SNX24: variants seen among roughly 807,000 people sequenced by gnomAD.
SNX24 encodes the protein sorting nexin 24, also known as sorting nexin-24.
SNX24 carries 22 observed loss-of-function variants against 28.7 expected under a neutral mutation model. That is an observed-to-expected ratio of 0.77 (90% CI 0.55 to 1.10). SNX24 has a LOEUF of 1.10. Ranked by LOEUF, SNX24 falls within the 50% of genes least tolerant of loss-of-function variation. The probability of loss-of-function intolerance (pLI) is 0.00; values close to 1 mark genes in which losing one functional copy is unlikely to be tolerated. For missense variants in SNX24, 221 were observed against 201.1 expected (o/e 1.10, Z -0.60); for synonymous variants, 69 against 71.5 (o/e 0.96, Z 0.18).
intron 2 of SNX24, among the ~76,000 whole-genome samples, chr5:122,941,071 T>C (rs1209258242): frequency 1.3e-5 from 2 of 152,194 alleles, no homozygotes; most frequent in African/African-American, 4.8e-5. Context: ...TAAACAGCCT[T>C]TCTGATTCAT....
At chr5:123,029,073 A>G in intron 5 of SNX24, 2 of 871,788 alleles carry the variant, frequency 2.3e-6, no homozygotes, top group Non-Finnish European at 3.4e-6. Flanking sequence ...ATTAATGTGA[A>G]TAAGTTAAAA....
chr5:122,890,690 C>T (rs192354657), intron 1 of SNX24, among the ~76,000 whole-genome samples: 1 of 152,100 alleles, frequency 6.6e-6, no homozygotes, highest in African/African-American at 2.4e-5. Context: ...AGGCTGGTCT[C>T]GAACTTCTGA....
intron 3 of SNX24, among the ~76,000 whole-genome samples, chr5:122,955,022 T>C (rs1168067922): frequency 6.6e-6 from 1 of 152,048 alleles, no homozygotes; most frequent in Non-Finnish European, 1.5e-5. Context: ...TTTTTTATTA[T>C]AGACCCACAG....
intron 1 of SNX24, among the ~76,000 whole-genome samples, chr5:122,913,355 C>A (rs1757986442): frequency 6.6e-6 from 1 of 150,974 alleles, no homozygotes; most frequent in Admixed American, 6.6e-5. Flanking sequence ...GCTGACCCCC[C>A]ACCTCCCTCC....
At chr5:122,890,604 G>A (rs559686740) in intron 1 of SNX24, among the ~76,000 whole-genome samples, 64 of 151,796 alleles carry the variant, frequency 4.2e-4, no homozygotes, top group Non-Finnish European at 7.1e-4. Flanking sequence ...CAAGTAGCTG[G>A]AATTACAGGC....
At chr5:122,852,194 C>T (rs972741719) in intron 1 of SNX24, among the ~76,000 whole-genome samples, 4 of 149,784 alleles carry the variant, frequency 2.7e-5, no homozygotes, top group Non-Finnish European at 4.4e-5. Context: ...CTTCAAGTTC[C>T]GGGATACATG....
intron 2 of SNX24, among the ~76,000 whole-genome samples, chr5:122,943,856 T>G (rs540136882): frequency 6.6e-6 from 1 of 152,248 alleles, no homozygotes; most frequent in South Asian, 2.1e-4. Context: ...CCACAGCCCT[T>G]TTTCTCTATC....
intron 2 of SNX24, among the ~76,000 whole-genome samples, chr5:122,944,146 A>G (rs923953776): frequency 6.6e-6 from 1 of 152,204 alleles, no homozygotes; most frequent in African/African-American, 2.4e-5. Flanking sequence ...CACGCATCTC[A>G]CAACATTCAT....
chr5:122,997,850 G>T (rs944366748), intron 3 of SNX24, among the ~76,000 whole-genome samples: 4 of 146,038 alleles, frequency 2.7e-5, no homozygotes, highest in African/African-American at 5.1e-5. Flanking sequence ...TAAAACTATT[G>T]CCTGGGGTAA....
chr5:122,888,466 G>A (rs1756812704), intron 1 of SNX24, among the ~76,000 whole-genome samples: 1 of 152,270 alleles, frequency 6.6e-6, no homozygotes, highest in Admixed American at 6.5e-5. Context: ...TGAGGATAAT[G>A]ATAGTATCTA....
chr5:122,851,699 AT>A (rs1754926230), intron 1 of SNX24, among the ~76,000 whole-genome samples: 1 of 152,186 alleles, frequency 6.6e-6, no homozygotes, highest in African/African-American at 2.4e-5. Context: ...GATCATTATT[AT>A]TTTGAAGCTT....
chr5:122,847,515 A>G (rs200109358), intron 1 of SNX24, among the ~76,000 whole-genome samples: 1 of 12,922 alleles, frequency 7.7e-5, no homozygotes, highest in Non-Finnish European at 1.2e-4. Flanking sequence ...TTTTTTTTTG[A>G]GACAGTCTTC....
intron 2 of SNX24, among the ~76,000 whole-genome samples, chr5:122,941,021 AT>A (rs1335642392): frequency 6.6e-6 from 1 of 152,112 alleles, no homozygotes; most frequent in African/African-American, 2.4e-5. Flanking sequence ...CCATCATAAC[AT>A]CTCCTTTCAT....
chr5:122,989,056 C>T lies in SNX24; in HGVS notation c.250-10856C>T, dbSNP rs377504190. Among the ~76,000 whole-genome samples, 11 of 152,188 alleles carry T rather than the reference C, an allele frequency of 7.2e-5. No homozygotes were observed. In the East Asian group the frequency reaches 1.4e-3, roughly 19 times the overall value. On this transcript the variant is annotated intron_variant, in intron 3 of 6. Coordinates refer to ENST00000261369, the MANE Select transcript of SNX24 (RefSeq NM_014035.4). Reference sequence around the variant, plus strand: ...ATTTCTTTTTCTTTTCTCTTTCTCTCTCTTTTTATAGCAATCATGCTACTT... The same window carrying T: ...ATTTCTTTTTCTTTTCTCTTTCTCTTTCTTTTTATAGCAATCATGCTACTT...
intron 3 of SNX24, among the ~76,000 whole-genome samples, chr5:122,973,558 A>G (rs1761043616): frequency 6.6e-6 from 1 of 152,206 alleles, no homozygotes; most frequent in Admixed American, 6.5e-5. Context: ...AGTGGGAACC[A>G]TGGGCATTTG....
intron 1 of SNX24, among the ~76,000 whole-genome samples, chr5:122,876,959 T>G (rs1756251578): frequency 6.6e-6 from 1 of 151,878 alleles, no homozygotes. Context: ...AGGTCAGTGG[T>G]GGTTAGAGAG....
intron 3 of SNX24, among the ~76,000 whole-genome samples, chr5:122,959,871 A>G (rs1049217000): frequency 6.6e-6 from 1 of 152,044 alleles, no homozygotes; most frequent in African/African-American, 2.4e-5. Context: ...AAAACAGCTC[A>G]CTCTACATAG....
chr5:122,994,441 A>G lies in SNX24; in HGVS notation c.250-5471A>G, dbSNP rs1049535933. On this transcript the variant is annotated intron_variant, in intron 3 of 6. Transcript: ENST00000261369. Reference sequence around the variant, plus strand: ...TTAGGGCAGAACAAGTCCCTCTGTAATTTTGTGACTACATTTTACTTACTG... The same window carrying G: ...TTAGGGCAGAACAAGTCCCTCTGTAGTTTTGTGACTACATTTTACTTACTG... Among the ~76,000 whole-genome samples, 4 of 152,298 alleles carry G rather than the reference A, an allele frequency of 2.6e-5. No individual in the cohort carries two copies. The South Asian group carries it at 6.2e-4, about 24-fold the overall frequency.
chr5:122,919,306 T>C (rs1051759872), intron 1 of SNX24, among the ~76,000 whole-genome samples: 1 of 152,204 alleles, frequency 6.6e-6, no homozygotes, highest in Admixed American at 6.5e-5. Context: ...ATCGGCATAT[T>C]GGGAAGAGAG....
Sources: gnomAD v4.1 joint callset for allele counts (sites outside exome capture counted in the v4.1 genomes callset) on GRCh38, gnomAD v4.1.1 for gene constraint, MANE v1.5 for transcripts, NCBI Gene and HGNC (gene_info 2026-07-23, HGNC 2026-07-21) for gene names.